ARID2: variants seen among roughly 807,000 people sequenced by gnomAD.
ARID2 encodes AT-rich interaction domain 2.
In ARID2, 32 loss-of-function variants were observed where a neutral mutation model predicts 184.6. The observed-to-expected ratio is 0.17, with a 90% CI of 0.13 to 0.23. The LOEUF is 0.23. Ranked by LOEUF, ARID2 falls within the 10% of genes least tolerant of loss-of-function variation. ARID2 has a pLI of 1.00. For missense variants in ARID2, 1,696 were observed against 2,197.6 expected, an observed-to-expected ratio of 0.77 and a Z score of 4.56; for synonymous variants, 836 against 772.6, an observed-to-expected ratio of 1.08 and a Z score of -1.36.
intron 15 of ARID2, among the ~76,000 whole-genome samples, chr12:45,855,508 T>G (rs984097426): frequency 2.0e-5 from 3 of 152,188 alleles, no homozygotes; most frequent in Admixed American, 6.5e-5. Context: ...CTGCTACATA[T>G]ATGGGCAGTT....
At chr12:45,891,216 T>C (rs1237320903) in intron 16 of ARID2, among the ~76,000 whole-genome samples, 1 of 152,108 alleles carries the variant, frequency 6.6e-6, no homozygotes, top group Non-Finnish European at 1.5e-5. Flanking sequence ...TCATTAGTAA[T>C]TGAAGCCTTT....
At chr12:45,865,444 AAAC>A (rs1394293803) in intron 16 of ARID2, among the ~76,000 whole-genome samples, 1 of 148,956 alleles carries the variant, frequency 6.7e-6, no homozygotes, top group Non-Finnish European at 1.5e-5. Context: ...TTGTAAAAGA[AAAC>A]AAAGTAACCC....
At chr12:45,815,599 TTG>T (rs376716014) in intron 4 of ARID2, among the ~76,000 whole-genome samples, 252 of 149,582 alleles carry the variant, frequency 1.7e-3, no homozygotes, top group Admixed American at 2.1e-3. Context: ...CTTAAAGAGA[TTG>T]TGTGTGTGTG....
chr12:45,763,660 TA>T lies in ARID2; in HGVS notation c.284+32350del, dbSNP rs150195437. ...ACTACAAAAAAAAAAAAATTTTTTT[TA>T]AAATTTTTTTGTAGACACAGGGCTT... is the stretch of plus-strand genomic sequence containing the variant. On this transcript the variant is annotated intron_variant, in intron 3 of 20. Transcript: ENST00000334344. Among the ~76,000 whole-genome samples the T allele has an allele frequency of 9.9e-3, 1,317 of 132,604 alleles. 24 individuals are homozygous for T. Among genetic ancestry groups the T allele is most frequent in the South Asian group, 0.074 (321 of 4,320 alleles). 87.0% of individuals were successfully genotyped at this position (132,604 alleles called of 152,430 possible).
chr12:45,738,779 C>CTTTTTTTTTTTTTTTTTT (rs11333868), intron 3 of ARID2, among the ~76,000 whole-genome samples: 1 of 62,304 alleles, frequency 1.6e-5, no homozygotes, highest in Non-Finnish European at 2.6e-5. Flanking sequence ...ATATGGGCTA[C>CTTTTTTTTTTTTTTTTTT]TTTTTTTTTT....
chr12:45,889,055 G>A (rs1944245931), intron 16 of ARID2, among the ~76,000 whole-genome samples: 1 of 152,090 alleles, frequency 6.6e-6, no homozygotes, highest in African/African-American at 2.4e-5. Flanking sequence ...GCATTGTGGT[G>A]CACGTAATCC....
intron 10 of ARID2, among the ~76,000 whole-genome samples, chr12:45,839,110 C>T (rs189327365): frequency 3.2e-3 from 482 of 151,824 alleles, no homozygotes; most frequent in Non-Finnish European, 5.5e-3. Flanking sequence ...ATGATCCGCC[C>T]GCCTCCGCCT....
chr12:45,761,995 A>G (rs2138010676), intron 3 of ARID2, among the ~76,000 whole-genome samples: 1 of 152,132 alleles, frequency 6.6e-6, no homozygotes, highest in Non-Finnish European at 1.5e-5. Context: ...AAAATTCTTC[A>G]TTGCAATAAT....
intron 3 of ARID2, among the ~76,000 whole-genome samples, chr12:45,744,438 AC>A (rs1481506516): frequency 6.6e-6 from 1 of 152,148 alleles, no homozygotes; most frequent in Admixed American, 6.5e-5. Flanking sequence ...CTAATGATGA[AC>A]ATTACATTTT....
chr12:45,885,513 T>C (rs1944171279), intron 16 of ARID2, among the ~76,000 whole-genome samples: 1 of 152,148 alleles, frequency 6.6e-6, no homozygotes, highest in Admixed American at 6.5e-5. Flanking sequence ...GAATACTCTT[T>C]GGCCACCAAA....
chr12:45,832,019 C>T (rs1208736780), intron 6 of ARID2, among the ~76,000 whole-genome samples: 1 of 152,124 alleles, frequency 6.6e-6, no homozygotes, highest in East Asian at 1.9e-4. Context: ...TTATTTTCCT[C>T]CTCCCCACAG....
chr12:45,855,564 C>G (rs1943632195), intron 15 of ARID2, among the ~76,000 whole-genome samples: 1 of 152,068 alleles, frequency 6.6e-6, no homozygotes, highest in Non-Finnish European at 1.5e-5. Flanking sequence ...TGATGAAGTA[C>G]CTATTGGGGC....
intron 16 of ARID2, among the ~76,000 whole-genome samples, chr12:45,886,456 T>G (rs73097351): frequency 0.024 from 3,624 of 152,276 alleles, 60 homozygotes; most frequent in Non-Finnish European, 0.038. Context: ...AGCTGTTCAT[T>G]TATCTACCAT....
chr12:45,759,696 A>G (rs889193076), intron 3 of ARID2, among the ~76,000 whole-genome samples: 4 of 152,142 alleles, frequency 2.6e-5, no homozygotes, highest in African/African-American at 9.7e-5. Flanking sequence ...GGGAGTTCCA[A>G]CTAAAATTAA....
chr12:45,891,369 G>A (rs1944299167), intron 16 of ARID2, among the ~76,000 whole-genome samples: 1 of 152,212 alleles, frequency 6.6e-6, no homozygotes, highest in Admixed American at 6.5e-5. Context: ...TGCTGGAGGA[G>A]TGAGAGATGG....
chr12:45,861,547 A>AT lies in ARID2; in HGVS notation c.4922+605dup, dbSNP rs973534347. On this transcript the variant is annotated intron_variant, in intron 16 of 20. Coordinates refer to ENST00000334344, the MANE Select transcript of ARID2 (RefSeq NM_152641.4). ...TAGGTAAGACCTTTTGCCTTCAGTC[A>AT]TTTTTTTAGAGGTCTAGGACTAAGG... Among the ~76,000 whole-genome samples, 10 of 145,902 alleles carry AT rather than the reference A, an allele frequency of 6.9e-5. No individual in the cohort carries two copies. The South Asian group carries it at 1.3e-3, about 19-fold the overall frequency.
chr12:45,735,417 T>C lies in ARID2; in HGVS notation c.284+4103T>C, dbSNP rs1414853409. 3.6e-5 allele frequency among the ~76,000 whole-genome samples: 4 copies of C among 110,364 alleles called. No homozygotes were observed. In the East Asian group the frequency reaches 1.0e-3, roughly 28 times the overall value. The allele number at this position is 110,364 out of a possible 152,430, so 72.4% of individuals were successfully genotyped here. On this transcript the variant is annotated intron_variant, in intron 3 of 20. Transcript: ENST00000334344. ...TTCAAATTTAACTTTATAAACTGTA[T>C]CGTGTGTGTGTGTGTGTGTGTGTGT...
intron 3 of ARID2, among the ~76,000 whole-genome samples, chr12:45,790,579 T>G (rs1393118311): frequency 6.6e-6 from 1 of 152,224 alleles, no homozygotes; most frequent in Non-Finnish European, 1.5e-5. Context: ...ATTTTATGTT[T>G]GCTGTTATAT....
rs1943528909 is a variant in ARID2, at chr12:45,850,580, A to T, written c.2457A>T (p.Gln819His). Residue 819 changes from glutamine (Q) to histidine (H), a missense_variant, in exon 15 of 21, where the codon CAA (glutamine) becomes CAT (histidine). Gln to His is a conservative substitution (Grantham distance 24, BLOSUM62 0). This residue lies in a region of ARID2 where 713 missense variants were observed against 824.4 expected (regional missense o/e 0.86). Transcript: ENST00000334344. ...GTACTTCTACAGTTTCACAGGGTCA[A>T]CAGTTAATCACCACATCACCCCAAC... ...PACTSTVSQG[Q>H]QLITTSPQPV... 1 of 1,614,126 alleles carries T rather than the reference A, an allele frequency of 6.2e-7. No individual in the cohort carries two copies. Among genetic ancestry groups the T allele is most frequent in the Non-Finnish European group, 8.5e-7 (1 of 1,180,002 alleles).
Sources: gnomAD v4.1 joint callset for allele counts (sites outside exome capture counted in the v4.1 genomes callset) on GRCh38, gnomAD v4.1.1 for gene constraint, gnomAD v4.1.1 regional missense constraint, MANE v1.5 for transcripts, NCBI Gene and HGNC (gene_info 2026-07-23, HGNC 2026-07-21) for gene names.